The following TPP2 variants were observed in gnomAD, a reference collection of about 807,000 sequenced individuals.
TPP2 encodes tripeptidyl-peptidase 2.
TPP2 carries 34 observed loss-of-function variants against 155.9 expected under a neutral mutation model. That is an observed-to-expected ratio of 0.22 (90% CI 0.17 to 0.29). TPP2 has a LOEUF of 0.29. Among genes scored for constraint, TPP2 ranks in the 10% least tolerant of loss-of-function variants. The probability of loss-of-function intolerance (pLI) is 1.00; values close to 1 mark genes in which losing one functional copy is unlikely to be tolerated. For synonymous variants in TPP2, 510 were observed against 529.4 expected, an observed-to-expected ratio of 0.96 and a Z score of 0.50; for missense variants, 1,028 against 1,522.3, an observed-to-expected ratio of 0.68 and a Z score of 5.40.
intron 20 of TPP2, 82 bp from the exon 21 acceptor site, chr13:102,647,125 C>A (rs1034435608): frequency 1.4e-6 from 2 of 1,412,460 alleles, no homozygotes; most frequent in African/African-American, 1.4e-5. Context: ...ATGAAAAAGT[C>A]TCATGTCAAT....
rs1453084475 is a variant in TPP2 at position 102,678,430 on chromosome 13, G to C, written c.*114G>C. 1.3e-6 allele frequency: 1 copy of C among 784,740 alleles called. No homozygotes were observed. Among genetic ancestry groups the C allele is most frequent in the Non-Finnish European group, 2.0e-6 (1 of 495,206 alleles). 48.6% of individuals were successfully genotyped at this position (784,740 alleles called of 1,614,324 possible). A position where few individuals can be genotyped will look rare whatever the true frequency, so the allele number is the denominator to read the frequency against. ...ATGTTTTCATCCACTATCCAGTACT[G>C]ATTATTAAAATGACATGTATTTATC... is the stretch of plus-strand genomic sequence containing the variant. On this transcript the variant is annotated 3_prime_UTR_variant, in exon 30 of 30. Transcript: ENST00000376052.
intron 6 of TPP2, among the ~76,000 whole-genome samples, chr13:102,625,549 G>A (rs2139472850): frequency 6.6e-6 from 1 of 152,254 alleles, no homozygotes; most frequent in African/African-American, 2.4e-5. Context: ...CAGGTGCTCT[G>A]TATCCTCAGC....
chr13:102,646,484 G>T (rs750435859), intron 20 of TPP2, 94 bp downstream of exon 20: 13 of 812,130 alleles, frequency 1.6e-5, no homozygotes, highest in Non-Finnish European at 2.0e-5. Context: ...AGTGTATATG[G>T]TATATATAAA....
intron 25 of TPP2, among the ~76,000 whole-genome samples, chr13:102,658,519 T>G (rs1398616575): frequency 2.0e-5 from 3 of 152,138 alleles, no homozygotes; most frequent in African/African-American, 7.2e-5. Context: ...ATGATGCTGG[T>G]CCCCAGTAAA....
intron 23 of TPP2, among the ~76,000 whole-genome samples, chr13:102,649,796 C>T (rs1595189462): frequency 1.3e-5 from 2 of 151,630 alleles, no homozygotes; most frequent in South Asian, 4.1e-4. Flanking sequence ...ACAAATCAAA[C>T]TTGGCTTAAA....
chr13:102,663,822 C>CT, intron 26 of TPP2, 78 bp downstream of exon 26: 1 of 1,082,718 alleles, frequency 9.2e-7, no homozygotes. Context: ...AGTGCATTAT[C>CT]TTTCTCTTCT....
intron 25 of TPP2, among the ~76,000 whole-genome samples, chr13:102,661,101 A>G (rs907861082): frequency 6.3e-5 from 7 of 111,650 alleles, no homozygotes; most frequent in Non-Finnish European, 9.6e-5. Flanking sequence ...CATAAGTAAC[A>G]TAAGAAAAAA....
At chr13:102,646,855 A>G (rs567358468) in intron 20 of TPP2, among the ~76,000 whole-genome samples, 2 of 152,370 alleles carry the variant, frequency 1.3e-5, no homozygotes, top group East Asian at 3.9e-4. Flanking sequence ...TGAGATTTCA[A>G]TAAAACTGTT....
Position 102,644,639 on chromosome 13 carries a change from A to G in TPP2, c.2258A>G (p.His753Arg). Reference protein sequence around the residue: ...DVNIDYTISFHGIVCTAPQLN... With the variant: ...DVNIDYTISFRGIVCTAPQLN... ...AACATTGATTATACCATTTCTTTCC[A>G]TGGGATAGTGTGTACTGCTCCTCAG... Residue 753 changes from histidine to arginine, a missense_variant, in exon 18 of 30, where the codon CAT becomes CGT. Physicochemically the swap from His to Arg is conservative, Grantham distance 29. Coordinates refer to ENST00000376052, the MANE Select transcript of TPP2 (RefSeq NM_001330588.2). 6.2e-7 allele frequency: 1 copy of G among 1,612,692 alleles called. No homozygotes were observed. The highest frequency in any genetic ancestry group is 8.5e-7 in the Non-Finnish European group (1 of 1,179,496).
chr13:102,638,177 C>CGGGG, intron 14 of TPP2, 62 bp from the exon 15 acceptor site: 1 of 1,452,574 alleles, frequency 6.9e-7, no homozygotes, highest in Non-Finnish European at 9.6e-7. Context: ...TAGTTTAGAC[C>CGGGG]TTCCCCCGCT....
chr13:102,640,470 C>G, intron 16 of TPP2, 94 bp downstream of exon 16: 1 of 932,556 alleles, frequency 1.1e-6, no homozygotes. Context: ...GCATGTATTT[C>G]CCTGGTACTA....
intron 6 of TPP2, 55 bp downstream of exon 6, chr13:102,623,095 T>A: frequency 2.0e-6 from 3 of 1,536,300 alleles, no homozygotes; most frequent in Non-Finnish European, 2.6e-6. Context: ...GATAAAGTGG[T>A]ACGTTGCGAT....
chr13:102,643,505 C>T (rs1182571916), intron 17 of TPP2, 129 bp downstream of exon 17: 3 of 951,088 alleles, frequency 3.2e-6, no homozygotes, highest in South Asian at 3.6e-5. Context: ...TTTTTTAATG[C>T]CAAAAAAATG....
intron 1 of TPP2, among the ~76,000 whole-genome samples, chr13:102,601,059 T>G (rs1347829348): frequency 6.6e-6 from 1 of 152,104 alleles, no homozygotes. Flanking sequence ...CCCAGCTAAT[T>G]TTTTAATTTT....
chr13:102,610,358 C>T (rs1019001492), intron 2 of TPP2, among the ~76,000 whole-genome samples: 5 of 151,972 alleles, frequency 3.3e-5, no homozygotes, highest in African/African-American at 7.2e-5. Flanking sequence ...CCTCCCAAGT[C>T]GCTGGGATTA....
chr13:102,631,754 CATG>C (rs1882034250), intron 10 of TPP2, among the ~76,000 whole-genome samples: 1 of 152,116 alleles, frequency 6.6e-6, no homozygotes, highest in African/African-American at 2.4e-5. Flanking sequence ...TTTTCATAAA[CATG>C]AAATAATATT....
At chr13:102,659,246 A>C (rs1044009847) in intron 25 of TPP2, among the ~76,000 whole-genome samples, 1 of 152,204 alleles carries the variant, frequency 6.6e-6, no homozygotes, top group Admixed American at 6.5e-5. Context: ...CCATTAGTGC[A>C]CCAAAGTCCA....
intron 27 of TPP2, among the ~76,000 whole-genome samples, chr13:102,665,475 G>A (rs1281983910): frequency 6.6e-6 from 1 of 152,144 alleles, no homozygotes; most frequent in Non-Finnish European, 1.5e-5. Flanking sequence ...ACCTAATGCT[G>A]TGTGTAAATA....
At position 102,621,084 on chromosome 13, in the gene TPP2, G is replaced by A. The variant is rs536892921; in HGVS notation, c.621-1793G>A. On this transcript the variant is annotated intron_variant, in intron 5 of 29. Transcript: ENST00000376052. ...ATTCAGTCAACTAGACCTTCAGAAA[G>A]TTATAACCTTGCACCACATTCATAC... Among the ~76,000 whole-genome samples the A allele has an allele frequency of 3.9e-5, 6 of 152,322 alleles. No individual in the cohort carries two copies. The East Asian group carries it at 1.2e-3, about 29-fold the overall frequency.
Sources: gnomAD v4.1 joint callset for allele counts (sites outside exome capture counted in the v4.1 genomes callset) on GRCh38, gnomAD v4.1.1 for gene constraint, MANE v1.5 for transcripts, NCBI Gene and HGNC (gene_info 2026-07-23, HGNC 2026-07-21) for gene names.